The following CPNE3 variants were observed in gnomAD, a reference collection of about 807,000 sequenced individuals.
CPNE3 encodes the protein copine 3.
Under a neutral mutation model 63.9 loss-of-function variants are expected in CPNE3, and 68 were observed. That is an observed-to-expected ratio of 1.06 (90% confidence interval 0.87 to 1.30). The LOEUF (loss-of-function observed/expected upper bound fraction) is 1.30, where lower values mean the gene tolerates loss of function less well. CPNE3 is among the 50% of genes most tolerant of loss of function. CPNE3 has a pLI of 0.00. For synonymous variants in CPNE3, 219 were observed against 197.5 expected (o/e 1.11, Z -0.91); for missense variants, 665 against 578.1 (o/e 1.15, Z -1.54).
chr8:86,539,444 G>A (rs1352753514), intron 7 of CPNE3, among the ~76,000 whole-genome samples: 1 of 152,110 alleles, frequency 6.6e-6, no homozygotes, highest in East Asian at 1.9e-4. Flanking sequence ...TGCCTTTTAA[G>A]TGGACACAGC....
At chr8:86,530,991 T>C (rs35871312) in intron 4 of CPNE3, among the ~76,000 whole-genome samples, 164 bp from the exon 5 acceptor site, 111,765 of 152,092 alleles carry the variant, frequency 0.73, 41,996 homozygotes, top group African/African-American at 0.83. Flanking sequence ...TGCACCTGGC[T>C]CTAAATATGT....
chr8:86,539,284 T>C (rs1283784697), intron 7 of CPNE3, among the ~76,000 whole-genome samples: 2 of 152,202 alleles, frequency 1.3e-5, no homozygotes, highest in East Asian at 3.9e-4. Context: ...AGTTAGAGTA[T>C]GTTCTCAGTT....
intron 2 of CPNE3, among the ~76,000 whole-genome samples, chr8:86,523,980 T>A (rs1820487123): frequency 6.6e-6 from 1 of 152,246 alleles, no homozygotes; most frequent in South Asian, 2.1e-4. Context: ...CCAGGCTTAG[T>A]TCATTGGACT....
At chr8:86,541,013 T>C (rs191325274) in intron 8 of CPNE3, among the ~76,000 whole-genome samples, 2 of 152,284 alleles carry the variant, frequency 1.3e-5, no homozygotes, top group East Asian at 3.9e-4. Flanking sequence ...GAAACTTTTG[T>C]ACTAGAATTA....
chr8:86,537,400 C>T lies in CPNE3; in HGVS notation c.460-163C>T, dbSNP rs148274478. Reference sequence around the variant, plus strand: ...TTGATAATTCTCCCTAGTAGACTTCCGTAAGTTTCTAAGTTAGGGAGAAAG... The same window carrying T: ...TTGATAATTCTCCCTAGTAGACTTCTGTAAGTTTCTAAGTTAGGGAGAAAG... On this transcript the variant is annotated intron_variant, in intron 6 of 16. Transcript: ENST00000517490. 4.7e-3 allele frequency among the ~76,000 whole-genome samples: 711 copies of T among 152,118 alleles called. 3 individuals carry two copies. Among genetic ancestry groups the T allele is most frequent in the South Asian group, 0.022 (106 of 4,822 alleles).
Position 86,518,886 on chromosome 8 carries a change from C to G in CPNE3, c.-11+3387C>G, listed in dbSNP as rs962632569. Among the ~76,000 whole-genome samples, 5 of 152,228 alleles carry G rather than the reference C, an allele frequency of 3.3e-5. No homozygotes were observed. The South Asian group carries it at 1.0e-3, about 32-fold the overall frequency. On this transcript the variant is annotated intron_variant, in intron 2 of 16. Transcript: ENST00000517490. ...CTCCCAGGCTCAAGCAATCCCACCT[C>G]AGCCTCCAGAATGACTGGGACCACA...
intron 2 of CPNE3, among the ~76,000 whole-genome samples, chr8:86,521,150 G>A (rs1030680661): frequency 1.3e-5 from 2 of 152,162 alleles, no homozygotes; most frequent in African/African-American, 4.8e-5. Flanking sequence ...GAGAATAAAT[G>A]TTGCTGCTCT....
intron 14 of CPNE3, chr8:86,551,473 A>G (rs2131494323): frequency 4.8e-6 from 2 of 417,970 alleles, no homozygotes; most frequent in Middle Eastern, 6.3e-4. Context: ...TGAAGGTGGT[A>G]AGCTAAATCC....
At position 86,528,621 on chromosome 8, in the gene CPNE3, A is replaced by C; in HGVS notation, c.76A>C (p.Lys26Gln). 6.2e-7 allele frequency: 1 copy of C among 1,614,084 alleles called. No individual in the cohort carries two copies. Among genetic ancestry groups the C allele is most frequent in the Non-Finnish European group, 8.5e-7 (1 of 1,179,972 alleles). Residue 26 changes from lysine to glutamine, a missense_variant, in exon 3 of 17, where the codon AAG becomes CAG. Lys to Gln is a moderately conservative substitution (Grantham distance 53). Coordinates refer to ENST00000517490, the MANE Select transcript of CPNE3 (RefSeq NM_003909.5). ...TCTTTTGGATAAAGATATAGGGTCA[A>C]AGTCAGACCCTTTATGTGTGTTGTT... ...ANLLDKDIGSKSDPLCVLFLN... is the reference protein window; with the variant it reads ...ANLLDKDIGSQSDPLCVLFLN...
intron 8 of CPNE3, among the ~76,000 whole-genome samples, chr8:86,542,787 A>G (rs1402465075): frequency 3.9e-5 from 6 of 152,012 alleles, no homozygotes; most frequent in African/African-American, 1.4e-4. Flanking sequence ...TCTGCCTTCA[A>G]GGGGACAAGA....
chr8:86,522,150 C>T (rs904899479), intron 2 of CPNE3, among the ~76,000 whole-genome samples: 1 of 152,058 alleles, frequency 6.6e-6, no homozygotes, highest in Non-Finnish European at 1.5e-5. Flanking sequence ...TAGTTTTAAT[C>T]GTCAGTAAAA....
Position 86,560,873 on chromosome 8 carries a change from C to G in CPNE3, c.*2463C>G, listed in dbSNP as rs1821425543. 1.3e-5 allele frequency: 2 copies of G among 152,132 alleles called. No homozygotes were observed. Among genetic ancestry groups the G allele is most frequent in the Admixed American group, 1.3e-4 (2 of 15,270 alleles). 9.4% of individuals were successfully genotyped at this position (152,132 alleles called of 1,614,324 possible). ...TTAAAATGCATTTAAAGAAAAATTA[C>G]CCATATTGACTTTCACACCTCATAT... On this transcript the variant is annotated 3_prime_UTR_variant, in exon 17 of 17. Coordinates refer to ENST00000517490, the MANE Select transcript of CPNE3 (RefSeq NM_003909.5).
intron 14 of CPNE3, chr8:86,554,168 T>C (rs1165231232): frequency 6.6e-6 from 1 of 152,202 alleles, no homozygotes. Context: ...TCTCCTTAGG[T>C]ATGGGTGTCA....
At chr8:86,546,503 T>C (rs1821053069) in intron 9 of CPNE3, 92 bp from the exon 10 acceptor site, 4 of 1,333,424 alleles carry the variant, frequency 3.0e-6, no homozygotes, top group East Asian at 2.4e-5. Flanking sequence ...GGTAGTTTGA[T>C]TCTAAAGGAA....
intron 8 of CPNE3, among the ~76,000 whole-genome samples, chr8:86,541,141 G>C (rs1016411014): frequency 1.3e-5 from 2 of 152,132 alleles, no homozygotes; most frequent in African/African-American, 4.8e-5. Flanking sequence ...AAGCAGGCAG[G>C]ATAATGAGGA....
At chr8:86,522,548 C>CTGTTTTTTTTTT (rs1820457777) in intron 2 of CPNE3, among the ~76,000 whole-genome samples, 1 of 82,234 alleles carries the variant, frequency 1.2e-5, no homozygotes, top group Non-Finnish European at 2.1e-5. Flanking sequence ...ACGCCCGCTG[C>CTGTTTTTTTTTT]TTTTTTTTTT....
chr8:86,554,958 G>T lies in CPNE3; in HGVS notation c.1228G>T (p.Ala410Ser). ...IINHVARFAA[A>S]ATQQQTASQY... is the part of the protein sequence containing the mutation. ...AAATCACGTGGCCAGGTTTGCTGCTGCAGCCACGCAACAGCAGACAGCTTC... is the reference window on the plus strand; with the variant it reads ...AAATCACGTGGCCAGGTTTGCTGCTTCAGCCACGCAACAGCAGACAGCTTC... The change falls in exon 15 of 17, where the codon GCA becomes TCA. Residue 410 changes from alanine to serine, a missense_variant. Coordinates refer to ENST00000517490, the MANE Select transcript of CPNE3 (RefSeq NM_003909.5). The T allele has an allele frequency of 6.2e-7, 1 of 1,614,112 alleles. No homozygotes were observed. Among genetic ancestry groups the T allele is most frequent in the South Asian group, 1.1e-5 (1 of 91,080 alleles).
intron 12 of CPNE3, among the ~76,000 whole-genome samples, chr8:86,549,636 AC>A (rs1165676702): frequency 6.6e-6 from 1 of 152,220 alleles, no homozygotes; most frequent in Non-Finnish European, 1.5e-5. Flanking sequence ...ACACCCAAAA[AC>A]AAAGTGGCTT....
At chr8:86,518,002 G>C (rs1348256874) in intron 2 of CPNE3, among the ~76,000 whole-genome samples, 1 of 152,214 alleles carries the variant, frequency 6.6e-6, no homozygotes, top group Non-Finnish European at 1.5e-5. Context: ...ATCAGGAAAT[G>C]TATAAACATC....
Sources: gnomAD v4.1 joint callset for allele counts (sites outside exome capture counted in the v4.1 genomes callset) on GRCh38, gnomAD v4.1.1 for gene constraint, MANE v1.5 for transcripts, NCBI Gene and HGNC (gene_info 2026-07-23, HGNC 2026-07-21) for gene names.